Variants in SLC25A28 observed in about 807,000 individuals in gnomAD.
SLC25A28 encodes the protein solute carrier family 25 member 28, also known as mitoferrin-2.
In SLC25A28, 10 loss-of-function variants were observed where a neutral mutation model predicts 31.9. The ratio of observed to expected loss-of-function variants is 0.31; its 90% CI spans 0.19 to 0.53. SLC25A28 has a LOEUF of 0.53. Among genes scored for constraint, SLC25A28 ranks in the 20% least tolerant of loss-of-function variants. The pLI, the probability that SLC25A28 is intolerant of heterozygous loss-of-function variation, is 0.95. For synonymous variants in SLC25A28, 208 were observed against 203.6 expected, an observed-to-expected ratio of 1.02 and a Z score of -0.19; for missense variants, 256 against 490.3, an observed-to-expected ratio of 0.52 and a Z score of 4.51.
At chr10:99,612,790 C>T in intron 2 of SLC25A28, 191 bp from the exon 3 acceptor site, 1 of 637,076 alleles carries the variant, frequency 1.6e-6, no homozygotes, top group African/African-American at 1.8e-5. Context: ...TTCCCACCAA[C>T]TTTGTAAGGT....
the SLC25A28 span, among the ~76,000 whole-genome samples, chr10:99,645,519 A>G: frequency 2.8e-4 from 43 of 152,170 alleles, no homozygotes; most frequent in African/African-American, 9.9e-4. Context: ...AGCTTAGAGA[A>G]GTTTGTTATT....
the SLC25A28 span, among the ~76,000 whole-genome samples, chr10:99,626,081 G>A: frequency 1.3e-5 from 2 of 152,102 alleles, no homozygotes; most frequent in Non-Finnish European, 2.9e-5. Context: ...ATTATTGAAG[G>A]TTCAAAACAG....
At chr10:99,628,887 C>A in the SLC25A28 span, among the ~76,000 whole-genome samples, 1 of 152,204 alleles carries the variant, frequency 6.6e-6, no homozygotes. Context: ...AAGAAAATAA[C>A]AACCACTGAG....
chr10:99,656,683 G>T, the SLC25A28 span, among the ~76,000 whole-genome samples: 1 of 152,228 alleles, frequency 6.6e-6, no homozygotes, highest in African/African-American at 2.4e-5. Context: ...TATGGGACCT[G>T]TTGGGCTGAT....
intron 1 of SLC25A28, chr10:99,617,813 T>A (rs2034692782): frequency 1.0e-6 from 1 of 983,552 alleles, no homozygotes; most frequent in African/African-American, 1.7e-5. Context: ...ACTGCTATGT[T>A]GTATGACTAA....
chr10:99,615,941 T>C lies in SLC25A28; in HGVS notation c.292-2017A>G, dbSNP rs1421054234. 5 of 985,264 alleles carry C rather than the reference T, an allele frequency of 5.1e-6. No individual in the cohort carries two copies. In the East Asian group the frequency reaches 3.4e-4, roughly 67 times the overall value. 61.0% of individuals were successfully genotyped at this position (985,264 alleles called of 1,614,324 possible). ...CCTCACCCCCAAGAGAAAACCGGAC[T>C]GTGGGAAGCTACTTTGAACATTCTA... On this transcript the variant is annotated intron_variant, in intron 1 of 3. Transcript: ENST00000370495.
At chr10:99,635,156 T>A in the SLC25A28 span, among the ~76,000 whole-genome samples, 9 of 152,162 alleles carry the variant, frequency 5.9e-5, no homozygotes, top group Admixed American at 5.9e-4. Context: ...GTTCTAAATC[T>A]TGAAACAAAT....
At chr10:99,616,367 G>A (rs542765877) in intron 1 of SLC25A28, 2 of 819,896 alleles carry the variant, frequency 2.4e-6, no homozygotes, top group South Asian at 5.6e-5. Context: ...GGGCTGTTGT[G>A]GGGATTAAAA....
At chr10:99,638,285 ATCAAC>A in the SLC25A28 span, among the ~76,000 whole-genome samples, 2 of 152,230 alleles carry the variant, frequency 1.3e-5, no homozygotes, top group African/African-American at 4.8e-5. Context: ...TTATACAAAA[ATCAAC>A]TCAACATGGA....
chr10:99,612,626 T>G (rs1353416438), intron 2 of SLC25A28, 27 bp from the exon 3 acceptor site: 16 of 1,613,884 alleles, frequency 9.9e-6, no homozygotes, highest in Non-Finnish European at 1.4e-5. Context: ...AACTGCCACA[T>G]GTAAGGCCAA....
the SLC25A28 span, among the ~76,000 whole-genome samples, chr10:99,658,311 C>G: frequency 6.6e-6 from 1 of 152,166 alleles, no homozygotes; most frequent in Admixed American, 6.5e-5. Context: ...TTTGGGTGGT[C>G]TTCCTCCCCG....
the SLC25A28 span, among the ~76,000 whole-genome samples, chr10:99,646,046 A>T: frequency 6.6e-6 from 1 of 152,156 alleles, no homozygotes; most frequent in African/African-American, 2.4e-5. Context: ...CCATTCTCAG[A>T]TCTCAAACTC....
At chr10:99,629,159 C>T in the SLC25A28 span, among the ~76,000 whole-genome samples, 3 of 152,134 alleles carry the variant, frequency 2.0e-5, no homozygotes, top group Non-Finnish European at 2.9e-5. Context: ...GATTAATGCC[C>T]TCTGTGGGGG....
the SLC25A28 span, among the ~76,000 whole-genome samples, chr10:99,639,664 G>A: frequency 1.8e-5 from 2 of 113,130 alleles, no homozygotes; most frequent in African/African-American, 6.9e-5. Flanking sequence ...CCCCTACTCC[G>A]CCCCAGGCTA....
the SLC25A28 span, among the ~76,000 whole-genome samples, chr10:99,629,628 G>T: frequency 6.6e-6 from 1 of 152,336 alleles, no homozygotes; most frequent in East Asian, 1.9e-4. Flanking sequence ...TAATGTGAAT[G>T]AATCTTGAAA....
At chr10:99,630,646 C>T in the SLC25A28 span, among the ~76,000 whole-genome samples, 3 of 152,202 alleles carry the variant, frequency 2.0e-5, no homozygotes, top group Non-Finnish European at 4.4e-5. Flanking sequence ...GGCAGCAAAG[C>T]TTAATAGTGC....
rs777023950 is a variant in SLC25A28 at position 99,611,218 on chromosome 10, G to A, written c.726C>T (p.His242=). The A allele has an allele frequency of 1.2e-6, 2 of 1,614,196 alleles. No individual in the cohort carries two copies. The highest frequency in any genetic ancestry group is 1.6e-4 in the Middle Eastern group (1 of 6,062). The change falls in exon 4 of 4, where the codon CAC becomes CAT. Residue 242 remains histidine (H), a synonymous_variant. Transcript: ENST00000370495. The surrounding 1 kb of genome is among the most constrained non-coding windows in gnomAD (Gnocchi z 5.5). Reference sequence around the variant, plus strand: ...CCTGCAGGAATTCATAGGTCATGAAGTGAATGGCTTGGAAAGGAACGTTCA... The same window carrying A: ...CCTGCAGGAATTCATAGGTCATGAAATGAATGGCTTGGAAAGGAACGTTCA... ...LTMNVPFQAI[H]FMTYEFLQEH... is the part of the protein sequence containing the mutation.
At chr10:99,620,745 T>C (rs1304301083), upstream of SLC25A28, 1 of 985,390 alleles carries the variant, frequency 1.0e-6, no homozygotes, top group Admixed American at 6.1e-5. Context: ...CCACTCTTGA[T>C]ACTTTGACCG....
At chr10:99,640,548 G>A in the SLC25A28 span, among the ~76,000 whole-genome samples, 2 of 151,870 alleles carry the variant, frequency 1.3e-5, no homozygotes, top group African/African-American at 2.4e-5. Flanking sequence ...ATATATTTAC[G>A]GGATACAAGT....
Sources: gnomAD v4.1 joint callset for allele counts (sites outside exome capture counted in the v4.1 genomes callset) on GRCh38, gnomAD v4.1.1 for gene constraint, Gnocchi (gnomAD v3.1) non-coding constraint, MANE v1.5 for transcripts, NCBI Gene and HGNC (gene_info 2026-07-23, HGNC 2026-07-21) for gene names.